The following MLLT3 variants were observed in gnomAD, a reference collection of about 807,000 sequenced individuals.
MLLT3 encodes MLLT3 super elongation complex subunit.
Under a neutral mutation model 53.2 loss-of-function variants are expected in MLLT3, and 4 were observed. That is an observed-to-expected ratio of 0.08 (90% CI 0.04 to 0.17). The LOEUF (loss-of-function observed/expected upper bound fraction) is 0.17, where lower values mean the gene tolerates loss of function less well. Ranked by LOEUF, MLLT3 falls within the 10% of genes least tolerant of loss-of-function variation. The pLI, the probability that MLLT3 is intolerant of heterozygous loss-of-function variation, is 1.00. For missense variants in MLLT3, 569 were observed against 684.0 expected (o/e 0.83, Z 1.87); for synonymous variants, 283 against 230.6 (o/e 1.23, Z -2.06).
At chr9:20,411,117 TG>T (rs1586928724) in intron 5 of MLLT3, 1 of 152,482 alleles carries the variant, frequency 6.6e-6, no homozygotes, top group Non-Finnish European at 1.5e-5. Context: ...AAGTTGGGCC[TG>T]CCCCAAGCCA....
chr9:20,462,343 T>C (rs993566791), intron 2 of MLLT3, among the ~76,000 whole-genome samples: 1 of 152,218 alleles, frequency 6.6e-6, no homozygotes, highest in East Asian at 1.9e-4. Flanking sequence ...GAATTAAAGA[T>C]AACATCAACA....
Position 20,620,845 on chromosome 9 carries a change from G to A in MLLT3, c.13-11C>T, listed in dbSNP as rs754570232. The A allele has an allele frequency of 3.1e-6, 5 of 1,613,872 alleles. No homozygotes were observed. In the East Asian group the frequency reaches 6.7e-5, roughly 22 times the overall value. ...CACCTGCACGGCACACTGCGGGCAG[G>A]GGGAGGAGAGACAGCCGTGAATAAC... is the stretch of plus-strand genomic sequence containing the variant. On this transcript the variant is annotated splice_polypyrimidine_tract_variant and intron_variant, in intron 1 of 10. Coordinates refer to ENST00000380338, the MANE Select transcript of MLLT3 (RefSeq NM_004529.4). The surrounding 1 kb of genome is among the most constrained non-coding windows in gnomAD (Gnocchi z 6.1).
At chr9:20,465,818 C>G (rs959821826) in intron 2 of MLLT3, among the ~76,000 whole-genome samples, 5 of 152,124 alleles carry the variant, frequency 3.3e-5, no homozygotes, top group African/African-American at 1.2e-4. Context: ...TTGATTTAAA[C>G]TCCATTAAAC....
At chr9:20,354,128 T>A (rs554933033) in intron 9 of MLLT3, among the ~76,000 whole-genome samples, 4 of 152,330 alleles carry the variant, frequency 2.6e-5, no homozygotes, top group African/African-American at 9.6e-5. Context: ...ACATTGCTAG[T>A]AAGCAATGCC....
At chr9:20,615,687 G>T (rs1820815101) in intron 2 of MLLT3, among the ~76,000 whole-genome samples, 1 of 151,714 alleles carries the variant, frequency 6.6e-6, no homozygotes, top group African/African-American at 2.4e-5. Flanking sequence ...GATCTTTTCA[G>T]GTGATTGGTG....
chr9:20,492,343 A>C (rs1378584688), intron 2 of MLLT3, among the ~76,000 whole-genome samples: 1 of 152,002 alleles, frequency 6.6e-6, no homozygotes, highest in Non-Finnish European at 1.5e-5. Flanking sequence ...CTAGAAAAAG[A>C]ACTTACAGAT....
At position 20,576,800 on chromosome 9, in the gene MLLT3, T is replaced by C. The variant is rs745557016; in HGVS notation, c.193+43854A>G. On this transcript the variant is annotated intron_variant, in intron 2 of 10. Transcript: ENST00000380338. ...CATGCTGTTGGAGAAATGGAGCAAA[T>C]AGATTTGCTCAATGAAGGGTTGTGG... Among the ~76,000 whole-genome samples the C allele has an allele frequency of 3.3e-5, 5 of 151,830 alleles. No homozygotes were observed. In the East Asian group the frequency reaches 5.8e-4, roughly 18 times the overall value.
intron 2 of MLLT3, among the ~76,000 whole-genome samples, chr9:20,473,774 AC>A (rs1824453705): frequency 6.6e-6 from 1 of 152,268 alleles, no homozygotes; most frequent in South Asian, 2.1e-4. Context: ...AACTAAAAAA[AC>A]AAAGTAGCTG....
chr9:20,614,054 T>A (rs1820764110), intron 2 of MLLT3, among the ~76,000 whole-genome samples: 1 of 152,174 alleles, frequency 6.6e-6, no homozygotes, highest in East Asian at 1.9e-4. Flanking sequence ...AAAGATGATA[T>A]GCCACAAGGG....
At chr9:20,435,637 A>T (rs190973405) in intron 4 of MLLT3, among the ~76,000 whole-genome samples, 20 of 152,330 alleles carry the variant, frequency 1.3e-4, no homozygotes, top group Non-Finnish European at 2.6e-4. Context: ...CGAGCTATGT[A>T]GGCAGAAAGT....
chr9:20,521,174 G>A (rs1294298399), intron 2 of MLLT3, among the ~76,000 whole-genome samples: 2 of 151,854 alleles, frequency 1.3e-5, no homozygotes, highest in Non-Finnish European at 2.9e-5. Flanking sequence ...GAGTTCAAGC[G>A]ATTCTCCTGC....
intron 2 of MLLT3, among the ~76,000 whole-genome samples, chr9:20,536,226 T>C (rs946373577): frequency 8.6e-5 from 13 of 151,894 alleles, no homozygotes; most frequent in African/African-American, 3.1e-4. Flanking sequence ...CAGCAGGGAA[T>C]AAATGGATAG....
At chr9:20,420,585 T>TG (rs1240410656) in intron 4 of MLLT3, among the ~76,000 whole-genome samples, 4 of 152,222 alleles carry the variant, frequency 2.6e-5, no homozygotes, top group Non-Finnish European at 5.9e-5. Context: ...GAGAAATCAA[T>TG]ATATCTTTGT....
At chr9:20,498,629 T>G (rs1411725) in intron 2 of MLLT3, among the ~76,000 whole-genome samples, 33,010 of 151,954 alleles carry the variant, frequency 0.22, 3,732 homozygotes, top group Middle Eastern at 0.32. Context: ...TGAGATTTTT[T>G]TGTGTGTGAT....
chr9:20,373,072 T>A (rs1055098529), intron 5 of MLLT3, among the ~76,000 whole-genome samples: 1 of 152,136 alleles, frequency 6.6e-6, no homozygotes, highest in Non-Finnish European at 1.5e-5. Context: ...TGCTTGATAG[T>A]ATATTTTGGT....
chr9:20,599,031 C>T (rs753632377), intron 2 of MLLT3, among the ~76,000 whole-genome samples: 3 of 152,140 alleles, frequency 2.0e-5, no homozygotes, highest in South Asian at 2.1e-4. Context: ...GTAGGCCAGG[C>T]GCGGTGGCTC....
intron 4 of MLLT3, among the ~76,000 whole-genome samples, chr9:20,439,996 C>T (rs1378911788): frequency 6.6e-6 from 1 of 152,006 alleles, no homozygotes; most frequent in Non-Finnish European, 1.5e-5. Flanking sequence ...GTAATGGAAA[C>T]CTTTTACTTT....
intron 2 of MLLT3, among the ~76,000 whole-genome samples, chr9:20,585,537 C>T (rs1451774531): frequency 1.3e-5 from 2 of 152,220 alleles, no homozygotes; most frequent in African/African-American, 4.8e-5. Context: ...GCACTCCCAC[C>T]AGCAGTGAAT....
intron 2 of MLLT3, among the ~76,000 whole-genome samples, chr9:20,540,669 T>C (rs1818607583): frequency 6.6e-6 from 1 of 152,214 alleles, no homozygotes; most frequent in African/African-American, 2.4e-5. Flanking sequence ...TGAAACCATT[T>C]TTCCCTCCTA....
Sources: gnomAD v4.1 joint callset for allele counts (sites outside exome capture counted in the v4.1 genomes callset) on GRCh38, gnomAD v4.1.1 for gene constraint, Gnocchi (gnomAD v3.1) non-coding constraint, MANE v1.5 for transcripts, NCBI Gene and HGNC (gene_info 2026-07-23, HGNC 2026-07-21) for gene names.